JAZF1: variants seen among roughly 807,000 people sequenced by gnomAD.
JAZF1 encodes the protein JAZF zinc finger 1, also known as juxtaposed with another zinc finger protein 1.
JAZF1 carries 8 observed loss-of-function variants against 26.4 expected under a neutral mutation model. That is an observed-to-expected ratio of 0.30 (90% CI 0.18 to 0.55). The LOEUF (loss-of-function observed/expected upper bound fraction) is 0.55. JAZF1 is among the 20% of genes least tolerant of loss of function. The pLI, the probability that JAZF1 is intolerant of heterozygous loss-of-function variation, is 0.94. For missense variants in JAZF1, 199 were observed against 322.0 expected (o/e 0.62, Z 2.92); for synonymous variants, 126 against 122.3 (o/e 1.03, Z -0.20).
chr7:28,108,186 T>C (rs1257422689), intron 1 of JAZF1, among the ~76,000 whole-genome samples: 1 of 152,242 alleles, frequency 6.6e-6, no homozygotes, highest in African/African-American at 2.4e-5. Context: ...CAGCCCTTGC[T>C]CTGCCAGGCA....
At chr7:28,137,589 C>A (rs541603717) in intron 1 of JAZF1, among the ~76,000 whole-genome samples, 48 of 152,300 alleles carry the variant, frequency 3.2e-4, no homozygotes, top group African/African-American at 8.7e-4. Context: ...CCACAGGGTG[C>A]GCTCTTGGAT....
intron 2 of JAZF1, among the ~76,000 whole-genome samples, chr7:27,898,991 T>A (rs191648504): frequency 3.7e-4 from 57 of 152,184 alleles, no homozygotes; most frequent in African/African-American, 1.3e-3. Context: ...CACACAGGAA[T>A]GCCACACAAA....
chr7:27,897,376 T>G (rs1262688259), intron 2 of JAZF1, among the ~76,000 whole-genome samples: 1 of 152,224 alleles, frequency 6.6e-6, no homozygotes, highest in Non-Finnish European at 1.5e-5. Context: ...TTATGTAATT[T>G]GAGGCAAGTT....
chr7:28,178,228 G>A (rs1025578211), intron 1 of JAZF1, among the ~76,000 whole-genome samples: 1 of 151,880 alleles, frequency 6.6e-6, no homozygotes, highest in Non-Finnish European at 1.5e-5. Flanking sequence ...TTAAAAATGT[G>A]TGCAAAATAT....
intron 1 of JAZF1, among the ~76,000 whole-genome samples, chr7:28,143,958 T>C (rs1782991855): frequency 6.6e-6 from 1 of 152,202 alleles, no homozygotes; most frequent in Admixed American, 6.5e-5. Flanking sequence ...ACCTGGAGCC[T>C]AGAAGGTGCT....
Position 28,092,290 on chromosome 7 carries a change from C to CCAAAAAAA in JAZF1, c.115+88172_115+88173insTTTTTTTG, listed in dbSNP as rs1784310777. Among the ~76,000 whole-genome samples, 72 of 12,802 alleles carry CCAAAAAAA rather than the reference C, an allele frequency of 5.6e-3. 6 individuals are homozygous for CCAAAAAAA. The highest frequency in any genetic ancestry group is 0.014 in the African/African-American group (67 of 4,646). The allele number at this position is 12,802 out of a possible 152,430, so 8.4% of individuals were successfully genotyped here. ...AACATCCCATTTCAGGGACAAAAGG[C>CCAAAAAAA]AAAAAAAAAAAAAAAAAAAAAAAAA... On this transcript the variant is annotated intron_variant, in intron 1 of 4. Coordinates refer to ENST00000283928, the MANE Select transcript of JAZF1 (RefSeq NM_175061.4).
At chr7:27,916,223 T>C (rs182820063) in intron 2 of JAZF1, among the ~76,000 whole-genome samples, 1 of 151,134 alleles carries the variant, frequency 6.6e-6, no homozygotes, top group Non-Finnish European at 1.5e-5. Flanking sequence ...GCAGCCTAAG[T>C]CTCAAACCCA....
intron 1 of JAZF1, among the ~76,000 whole-genome samples, chr7:28,180,114 CGCCCCGCGCGCCGGCACTCG>C (rs1367156443): frequency 6.9e-6 from 1 of 145,154 alleles, no homozygotes; most frequent in Non-Finnish European, 1.5e-5. Flanking sequence ...CTCCGCCCCG[CGCCCCGCGCGCCGGCACTCG>C]GCCCCGCCGC....
chr7:27,914,275 T>C (rs1784409080), intron 2 of JAZF1, among the ~76,000 whole-genome samples: 1 of 152,062 alleles, frequency 6.6e-6, no homozygotes, highest in Non-Finnish European at 1.5e-5. Context: ...TGAGGGGACA[T>C]GGAGATGGGG....
chr7:27,904,264 A>T (rs1784212405), intron 2 of JAZF1, among the ~76,000 whole-genome samples: 1 of 152,194 alleles, frequency 6.6e-6, no homozygotes, highest in Non-Finnish European at 1.5e-5. Context: ...TGGCTGCTCT[A>T]GGTCTCAATG....
At chr7:27,868,110 G>A (rs1461158390) in intron 3 of JAZF1, among the ~76,000 whole-genome samples, 2 of 152,154 alleles carry the variant, frequency 1.3e-5, no homozygotes, top group Non-Finnish European at 2.9e-5. Flanking sequence ...GAGTGAATAC[G>A]ACAACGGTGC....
At chr7:28,036,906 T>C (rs947189708) in intron 1 of JAZF1, among the ~76,000 whole-genome samples, 4 of 152,146 alleles carry the variant, frequency 2.6e-5, no homozygotes, top group Admixed American at 6.6e-5. Flanking sequence ...CGGCAGCCCA[T>C]TGGCATCTAC....
chr7:28,022,073 G>C (rs1291417959), intron 1 of JAZF1, among the ~76,000 whole-genome samples: 2 of 152,204 alleles, frequency 1.3e-5, no homozygotes, highest in Non-Finnish European at 2.9e-5. Context: ...GCACCTGCTA[G>C]AGTCCTAGCT....
intron 3 of JAZF1, among the ~76,000 whole-genome samples, chr7:27,872,905 C>T (rs910776256): frequency 2.0e-5 from 3 of 152,024 alleles, no homozygotes; most frequent in African/African-American, 4.8e-5. Flanking sequence ...ACCTACGCAA[C>T]GGAGCCTTGT....
intron 1 of JAZF1, among the ~76,000 whole-genome samples, chr7:28,148,947 C>T (rs1783067314): frequency 1.3e-5 from 2 of 152,172 alleles, no homozygotes; most frequent in Non-Finnish European, 2.9e-5. Context: ...TAAGGATAGG[C>T]GAGGTTTCTA....
chr7:27,867,406 G>C (rs1439884242), intron 3 of JAZF1, among the ~76,000 whole-genome samples: 1 of 152,172 alleles, frequency 6.6e-6, no homozygotes, highest in African/African-American at 2.4e-5. Flanking sequence ...GCAAATCTCA[G>C]AGATTGCCCA....
intron 3 of JAZF1, among the ~76,000 whole-genome samples, chr7:27,883,145 G>A (rs1562517725): frequency 6.6e-6 from 1 of 152,238 alleles, no homozygotes; most frequent in Non-Finnish European, 1.5e-5. Context: ...TTCTTTCTTG[G>A]GGAGACAGGG....
At position 28,047,949 on chromosome 7, in the gene JAZF1, A is replaced by AAGC. The variant is rs1422979987; in HGVS notation, c.116-55971_116-55969dup. Among the ~76,000 whole-genome samples the AAGC allele has an allele frequency of 2.0e-5, 3 of 152,318 alleles. No homozygotes were observed. In the East Asian group the frequency reaches 5.8e-4, roughly 29 times the overall value. ...CAAGAGTTAAACCAGTCTGTAGAAT[A>AAGC]AGCCTGGATGTGTTCTGTCTTTCTC... is the stretch of plus-strand genomic sequence containing the variant. On this transcript the variant is annotated intron_variant, in intron 1 of 4. Transcript: ENST00000283928.
At position 27,877,086 on chromosome 7, in the gene JAZF1, C is replaced by G. The variant is rs139371671; in HGVS notation, c.385+18134G>C. Among the ~76,000 whole-genome samples, 987 of 152,336 alleles carry G rather than the reference C, an allele frequency of 6.5e-3. 5 individuals carry two copies. Among genetic ancestry groups the G allele is most frequent in the Middle Eastern group, 0.01 (3 of 294 alleles). ...GGCAGGCTACCGAGAGGGCGCTAGA[C>G]TTTGGCAGAGGCCGCTGCTGGAAAG... On this transcript the variant is annotated intron_variant, in intron 3 of 4. Coordinates refer to ENST00000283928, the MANE Select transcript of JAZF1 (RefSeq NM_175061.4).
Sources: gnomAD v4.1 joint callset for allele counts (sites outside exome capture counted in the v4.1 genomes callset) on GRCh38, gnomAD v4.1.1 for gene constraint, MANE v1.5 for transcripts, NCBI Gene and HGNC (gene_info 2026-07-23, HGNC 2026-07-21) for gene names.